The following FAM13C variants were observed in gnomAD, a reference collection of about 807,000 sequenced individuals.
The protein encoded by FAM13C is family with sequence similarity 13 member C.
Under a neutral mutation model 73.2 loss-of-function variants are expected in FAM13C, and 37 were observed. That is an observed-to-expected ratio of 0.51 (90% CI 0.39 to 0.67). FAM13C has a LOEUF of 0.67. Among genes scored for constraint, FAM13C ranks in the 30% least tolerant of loss-of-function variants. FAM13C has a pLI of 0.00. For missense variants in FAM13C, 589 were observed against 715.6 expected, an observed-to-expected ratio of 0.82 and a Z score of 2.02; for synonymous variants, 246 against 260.9, an observed-to-expected ratio of 0.94 and a Z score of 0.55.
chr10:59,357,572 G>A (rs769107670), intron 1 of FAM13C, among the ~76,000 whole-genome samples: 12 of 152,210 alleles, frequency 7.9e-5, no homozygotes, highest in Non-Finnish European at 1.6e-4. Flanking sequence ...CATTGGAACT[G>A]TGCTTCGCAA....
intron 10 of FAM13C, among the ~76,000 whole-genome samples, chr10:59,259,181 T>TC (rs542513010): frequency 4.5e-4 from 68 of 152,328 alleles, no homozygotes; most frequent in Non-Finnish European, 8.4e-4. Context: ...AGAAAATTAC[T>TC]CATTGACAGT....
At chr10:59,336,203 T>G (rs1316008890) in intron 3 of FAM13C, among the ~76,000 whole-genome samples, 1 of 150,250 alleles carries the variant, frequency 6.7e-6, no homozygotes, top group East Asian at 1.9e-4. Context: ...GCCACCCTAA[T>G]GCAGACTCTT....
intron 4 of FAM13C, among the ~76,000 whole-genome samples, chr10:59,320,330 C>T (rs937334833): frequency 6.6e-6 from 1 of 152,080 alleles, no homozygotes; most frequent in African/African-American, 2.4e-5. Flanking sequence ...AAATTTGAGG[C>T]CTCTAATGTG....
upstream of FAM13C, chr10:59,362,847 C>G (rs949056315): frequency 1.1e-4 from 27 of 253,752 alleles, no homozygotes; most frequent in Admixed American, 6.3e-4. Flanking sequence ...GTGTTTCTGC[C>G]GAAGTGCTGA....
At chr10:59,258,523 C>A (rs1206169428) in intron 10 of FAM13C, among the ~76,000 whole-genome samples, 5 of 152,084 alleles carry the variant, frequency 3.3e-5, no homozygotes, top group Admixed American at 6.6e-5. Flanking sequence ...TTGATAATTT[C>A]TTGTATATGC....
intron 3 of FAM13C, among the ~76,000 whole-genome samples, chr10:59,334,875 A>G (rs1852521785): frequency 1.3e-5 from 2 of 152,202 alleles, no homozygotes; most frequent in African/African-American, 4.8e-5. Flanking sequence ...CACGTTGGGC[A>G]CATGTACCCT....
intron 6 of FAM13C, among the ~76,000 whole-genome samples, chr10:59,281,300 C>G (rs777265760): frequency 3.0e-4 from 45 of 152,146 alleles, no homozygotes; most frequent in Non-Finnish European, 5.1e-4. Flanking sequence ...CTGAGTGACT[C>G]ATTGATTAGA....
intron 3 of FAM13C, among the ~76,000 whole-genome samples, chr10:59,337,667 CTTTTTTTTTTTTT>C (rs3078327): frequency 1.3e-4 from 9 of 71,034 alleles, no homozygotes; most frequent in African/African-American, 2.6e-4. Flanking sequence ...TTTTCTTTTT[CTTTTTTTTTTTTT>C]TTTTTTTTTT....
At chr10:59,346,614 T>C (rs531404519) in intron 3 of FAM13C, among the ~76,000 whole-genome samples, 2 of 152,298 alleles carry the variant, frequency 1.3e-5, no homozygotes, top group East Asian at 1.9e-4. Context: ...CATAGCATGA[T>C]GCCAGATGGC....
At chr10:59,339,972 A>C (rs1172125762) in intron 3 of FAM13C, among the ~76,000 whole-genome samples, 1 of 152,230 alleles carries the variant, frequency 6.6e-6, no homozygotes, top group Non-Finnish European at 1.5e-5. Context: ...AGAACACAAC[A>C]CTAAAAGGCT....
At chr10:59,313,975 A>G (rs1564568503) in intron 4 of FAM13C, among the ~76,000 whole-genome samples, 1 of 152,216 alleles carries the variant, frequency 6.6e-6, no homozygotes, top group African/African-American at 2.4e-5. Context: ...AAAGAATTAC[A>G]GAAAATAGGC....
intron 4 of FAM13C, among the ~76,000 whole-genome samples, chr10:59,320,864 G>A (rs1287374874): frequency 6.6e-6 from 1 of 152,190 alleles, no homozygotes; most frequent in African/African-American, 2.4e-5. Flanking sequence ...CCTTTAGGCT[G>A]AACTTAAAAT....
At chr10:59,352,509 T>C in intron 2 of FAM13C, 35 bp from the exon 3 acceptor site, 3 of 1,533,950 alleles carry the variant, frequency 2.0e-6, no homozygotes, top group Non-Finnish European at 2.6e-6. Context: ...GAAAGTACCT[T>C]AAAAAAAGAT....
chr10:59,269,025 A>G (rs528307686), intron 7 of FAM13C, among the ~76,000 whole-genome samples: 1 of 152,268 alleles, frequency 6.6e-6, no homozygotes, highest in South Asian at 2.1e-4. Context: ...AGCCATACCT[A>G]CCAACATTTT....
intron 7 of FAM13C, among the ~76,000 whole-genome samples, chr10:59,269,437 C>CACACACACACAT (rs1362720617): frequency 6.6e-6 from 1 of 151,994 alleles, no homozygotes; most frequent in African/African-American, 2.4e-5. Context: ...CACACACACA[C>CACACACACACAT]ACACACACAC....
chr10:59,326,795 G>A (rs1564589035), intron 3 of FAM13C, among the ~76,000 whole-genome samples: 1 of 152,146 alleles, frequency 6.6e-6, no homozygotes, highest in Non-Finnish European at 1.5e-5. Flanking sequence ...CAGACAGCCT[G>A]AAGCAGACAC....
At chr10:59,335,021 C>A (rs948967350) in intron 3 of FAM13C, among the ~76,000 whole-genome samples, 1 of 152,164 alleles carries the variant, frequency 6.6e-6, no homozygotes, top group African/African-American at 2.4e-5. Flanking sequence ...ATATTAGCTC[C>A]TCTTAAAAGG....
intron 4 of FAM13C, among the ~76,000 whole-genome samples, chr10:59,317,050 C>T (rs1849612063): frequency 6.6e-6 from 1 of 151,458 alleles, no homozygotes; most frequent in Non-Finnish European, 1.5e-5. Context: ...TTTAACCTAG[C>T]ATTAATAATA....
At chr10:59,278,481 T>G (rs1038118738) in intron 6 of FAM13C, among the ~76,000 whole-genome samples, 1 of 152,172 alleles carries the variant, frequency 6.6e-6, no homozygotes, top group Admixed American at 6.5e-5. Flanking sequence ...ACCTCAGCAC[T>G]ATTGACCATT....
Sources: gnomAD v4.1 joint callset for allele counts (sites outside exome capture counted in the v4.1 genomes callset) on GRCh38, gnomAD v4.1.1 for gene constraint, MANE v1.5 for transcripts, NCBI Gene and HGNC (gene_info 2026-07-23, HGNC 2026-07-21) for gene names.